Variants in TMC1 observed in about 807,000 individuals in gnomAD.
TMC1 encodes the protein transmembrane channel-like protein 1.
TMC1 carries 84 observed loss-of-function variants against 105.8 expected under a neutral mutation model. That is an observed-to-expected ratio of 0.79 (90% confidence interval 0.67 to 0.95). TMC1 has a LOEUF of 0.95. Ranked by LOEUF, TMC1 falls within the 40% of genes least tolerant of loss-of-function variation. TMC1 has a pLI of 0.00. For synonymous variants in TMC1, 315 were observed against 311.5 expected, an observed-to-expected ratio of 1.01 and a Z score of -0.12; for missense variants, 817 against 914.1, an observed-to-expected ratio of 0.89 and a Z score of 1.37.
intron 2 of TMC1, among the ~76,000 whole-genome samples, chr9:72,601,417 G>T (rs1055386874): frequency 3.3e-5 from 5 of 152,014 alleles, no homozygotes; most frequent in Admixed American, 3.3e-4. Flanking sequence ...GCTGAGGCAG[G>T]TGGATCATTT....
chr9:72,749,576 G>A (rs1175554894), intron 10 of TMC1, among the ~76,000 whole-genome samples: 6 of 152,106 alleles, frequency 3.9e-5, no homozygotes, highest in Admixed American at 1.3e-4. Flanking sequence ...GTGCTGGGCT[G>A]GGCTGAGGTA....
intron 12 of TMC1, among the ~76,000 whole-genome samples, chr9:72,768,235 A>G (rs1395807668): frequency 1.3e-5 from 2 of 151,642 alleles, no homozygotes; most frequent in Non-Finnish European, 2.9e-5. Context: ...AGAAAACCAA[A>G]CACCACATGT....
intron 8 of TMC1, among the ~76,000 whole-genome samples, chr9:72,713,587 T>TAGTTTG (rs2117917977): frequency 6.6e-6 from 1 of 152,330 alleles, no homozygotes; most frequent in East Asian, 1.9e-4. Context: ...TCTCTGATGG[T>TAGTTTG]AGTTTGTATT....
At chr9:72,767,708 G>T (rs1827862351) in intron 12 of TMC1, among the ~76,000 whole-genome samples, 1 of 152,332 alleles carries the variant, frequency 6.6e-6, no homozygotes, top group Admixed American at 6.5e-5. Context: ...GAGTTGGACA[G>T]AAATTTTCTG....
chr9:72,717,669 C>T (rs1322491632), intron 8 of TMC1, among the ~76,000 whole-genome samples: 1 of 152,198 alleles, frequency 6.6e-6, no homozygotes, highest in Non-Finnish European at 1.5e-5. Context: ...TCTGCTGTTA[C>T]TCTGATAGAT....
chr9:72,726,909 C>T (rs1301587465), intron 8 of TMC1, among the ~76,000 whole-genome samples: 3 of 152,186 alleles, frequency 2.0e-5, no homozygotes, highest in Admixed American at 6.5e-5. Context: ...CTTCTTCTCA[C>T]TATGGGGCAG....
chr9:72,762,660 G>A (rs1006054168), intron 12 of TMC1, among the ~76,000 whole-genome samples: 4 of 152,224 alleles, frequency 2.6e-5, no homozygotes, highest in South Asian at 2.1e-4. Flanking sequence ...CTAGAGATAC[G>A]TCTCTTTCCC....
intron 20 of TMC1, among the ~76,000 whole-genome samples, chr9:72,824,745 A>G (rs1372491581): frequency 6.6e-6 from 1 of 152,236 alleles, no homozygotes. Context: ...CCCAACTAGG[A>G]AAGGGTAGGT....
intron 17 of TMC1, among the ~76,000 whole-genome samples, chr9:72,801,484 T>C (rs1828471335): frequency 6.6e-6 from 1 of 152,258 alleles, no homozygotes; most frequent in East Asian, 1.9e-4. Context: ...AGAGTTTGTG[T>C]CTTTGTTCAC....
intron 5 of TMC1, 98 bp from the exon 6 acceptor site, chr9:72,688,611 A>C: frequency 8.5e-7 from 1 of 1,174,122 alleles, no homozygotes; most frequent in Non-Finnish European, 1.2e-6. Context: ...TATTAACTGC[A>C]CAAAAACATT....
intron 3 of TMC1, among the ~76,000 whole-genome samples, chr9:72,618,022 C>CTTTT (rs34497983): frequency 1.6e-4 from 13 of 79,200 alleles, no homozygotes; most frequent in African/African-American, 2.6e-4. Flanking sequence ...CTGGGTACAT[C>CTTTT]TTTTTTTTTT....
intron 15 of TMC1, 73 bp downstream of exon 15, chr9:72,789,390 G>A: frequency 6.7e-7 from 1 of 1,503,230 alleles, no homozygotes; most frequent in Non-Finnish European, 9.3e-7. Flanking sequence ...TTTCTTTGAT[G>A]GAACATTTAA....
chr9:72,550,778 A>G (rs562036101), intron 1 of TMC1, among the ~76,000 whole-genome samples: 2 of 152,020 alleles, frequency 1.3e-5, no homozygotes, highest in Non-Finnish European at 2.9e-5. Flanking sequence ...CAAGATGTTC[A>G]GGTCCTATTC....
intron 1 of TMC1, among the ~76,000 whole-genome samples, chr9:72,530,986 AATTATT>A (rs557992471): frequency 2.0e-5 from 3 of 150,458 alleles, no homozygotes; most frequent in Non-Finnish European, 4.4e-5. Flanking sequence ...ACGCCCAGCT[AATTATT>A]ATTATTATTA....
intron 13 of TMC1, among the ~76,000 whole-genome samples, chr9:72,776,386 G>A (rs1287065698): frequency 6.6e-6 from 1 of 151,994 alleles, no homozygotes; most frequent in Non-Finnish European, 1.5e-5. Context: ...AATTATACTT[G>A]AAATAATAAT....
intron 2 of TMC1, among the ~76,000 whole-genome samples, chr9:72,582,631 C>A (rs1374301102): frequency 6.6e-6 from 1 of 152,204 alleles, no homozygotes; most frequent in African/African-American, 2.4e-5. Flanking sequence ...GCATAGAATC[C>A]TGAATTTCTG....
Position 72,655,963 on chromosome 9 carries a change from A to G in TMC1, c.16+7299A>G. On this transcript the variant is annotated intron_variant, in intron 5 of 23. Transcript: ENST00000297784. Reference sequence around the variant, plus strand: ...TGGATTCTCATCTGGAAATGATCCCATGGCTTAGAACCTTCACCACATGGA... The same window carrying G: ...TGGATTCTCATCTGGAAATGATCCCGTGGCTTAGAACCTTCACCACATGGA... 4 of 807,456 alleles carry G rather than the reference A, an allele frequency of 5.0e-6. No individual in the cohort carries two copies. The South Asian group carries it at 5.3e-5, about 11-fold the overall frequency. 50.0% of individuals were successfully genotyped at this position (807,456 alleles called of 1,614,324 possible).
intron 21 of TMC1, among the ~76,000 whole-genome samples, chr9:72,827,949 A>G (rs1041215217): frequency 4.6e-5 from 7 of 152,218 alleles, no homozygotes; most frequent in Admixed American, 2.6e-4. Flanking sequence ...CGTGATCACA[A>G]GCCACATAAA....
chr9:72,732,549 G>A (rs1394073545), intron 8 of TMC1, among the ~76,000 whole-genome samples: 1 of 147,596 alleles, frequency 6.8e-6, no homozygotes, highest in Non-Finnish European at 1.5e-5. Flanking sequence ...TGGGCAGACA[G>A]AGTGAGTCTC....
Sources: allele counts gnomAD v4.1 joint callset (sites outside exome capture counted in the v4.1 genomes callset), GRCh38; gene constraint gnomAD v4.1.1; transcripts MANE v1.5; gene names NCBI Gene and HGNC (gene_info 2026-07-23, HGNC 2026-07-21).